Variants in GPC5 observed in about 807,000 individuals in gnomAD.
GPC5 encodes the protein glypican-5.
A neutral mutation model predicts 53.9 loss-of-function variants in GPC5; 47 were observed. The ratio of observed to expected loss-of-function variants is 0.87; its 90% confidence interval spans 0.69 to 1.11. GPC5 has a LOEUF of 1.11. Ranked by LOEUF, GPC5 falls within the 50% of genes most tolerant of loss-of-function variation. GPC5 has a pLI of 0.00. For missense variants in GPC5, 748 were observed against 713.1 expected, an observed-to-expected ratio of 1.05 and a Z score of -0.56; for synonymous variants, 286 against 263.3, an observed-to-expected ratio of 1.09 and a Z score of -0.84.
chr13:92,243,035 C>G (rs2042625065), intron 7 of GPC5, among the ~76,000 whole-genome samples: 1 of 152,176 alleles, frequency 6.6e-6, no homozygotes, highest in African/African-American at 2.4e-5. Context: ...TTTTCTCTCA[C>G]ATTGTTTGTA....
chr13:92,752,057 G>T (rs1953616537), intron 7 of GPC5, among the ~76,000 whole-genome samples: 1 of 150,690 alleles, frequency 6.6e-6, no homozygotes, highest in South Asian at 2.1e-4. Flanking sequence ...AAAGAGGAAT[G>T]AGAACCTTGA....
intron 2 of GPC5, among the ~76,000 whole-genome samples, chr13:91,580,217 T>C (rs1001153186): frequency 3.3e-5 from 5 of 151,932 alleles, no homozygotes; most frequent in African/African-American, 1.2e-4. Flanking sequence ...TGCCTGGCTA[T>C]TTCTTTGTAT....
At chr13:92,448,221 G>C (rs1229370235) in intron 7 of GPC5, 1 of 151,960 alleles carries the variant, frequency 6.6e-6, no homozygotes, top group African/African-American at 2.4e-5. Context: ...TTCTATAACA[G>C]TTTTACTTTT....
chr13:91,630,925 C>T (rs2034142399), intron 2 of GPC5, among the ~76,000 whole-genome samples: 1 of 151,970 alleles, frequency 6.6e-6, no homozygotes, highest in Non-Finnish European at 1.5e-5. Context: ...CAGCTTTATT[C>T]TCTTAATCCA....
At chr13:92,589,202 A>G (rs1883639332) in intron 7 of GPC5, among the ~76,000 whole-genome samples, 1 of 152,218 alleles carries the variant, frequency 6.6e-6, no homozygotes, top group African/African-American at 2.4e-5. Context: ...CTTGAGTAAC[A>G]CTAGAAAGAT....
At chr13:92,239,339 AT>A (rs1213013993) in intron 7 of GPC5, among the ~76,000 whole-genome samples, 1 of 151,930 alleles carries the variant, frequency 6.6e-6, no homozygotes, top group Non-Finnish European at 1.5e-5. Context: ...TTTTACATTT[AT>A]TTAGGTCTTT....
At chr13:92,625,071 A>T (rs904516210) in intron 7 of GPC5, among the ~76,000 whole-genome samples, 1 of 152,176 alleles carries the variant, frequency 6.6e-6, no homozygotes, top group Non-Finnish European at 1.5e-5. Context: ...TAACCTTCTG[A>T]TAGGAAGCTT....
intron 2 of GPC5, among the ~76,000 whole-genome samples, chr13:91,594,607 T>G (rs1396737397): frequency 8.3e-6 from 1 of 119,798 alleles, no homozygotes; most frequent in Admixed American, 1.0e-4. Context: ...CAAACACTAT[T>G]GTTGTTTCTT....
chr13:91,551,054 C>T (rs2030608757), intron 2 of GPC5, among the ~76,000 whole-genome samples: 2 of 152,022 alleles, frequency 1.3e-5, no homozygotes, highest in Admixed American at 1.3e-4. Flanking sequence ...TTTTCTCATT[C>T]ACAAAATGGA....
intron 6 of GPC5, among the ~76,000 whole-genome samples, chr13:92,066,297 T>C (rs1301778068): frequency 1.3e-5 from 2 of 151,964 alleles, no homozygotes; most frequent in Non-Finnish European, 2.9e-5. Flanking sequence ...ATTCAGTAAA[T>C]CTTTACTAAA....
intron 7 of GPC5, among the ~76,000 whole-genome samples, chr13:92,697,523 G>GGA (rs1887593875): frequency 1.3e-5 from 2 of 152,148 alleles, no homozygotes; most frequent in South Asian, 4.2e-4. Context: ...AGGAATGCTT[G>GGA]TGATTTTTGC....
intron 7 of GPC5, among the ~76,000 whole-genome samples, chr13:92,443,210 T>C (rs1385205190): frequency 1.3e-5 from 2 of 152,120 alleles, no homozygotes; most frequent in African/African-American, 4.8e-5. Flanking sequence ...AGCTCTCACA[T>C]GAACTCATAG....
intron 7 of GPC5, among the ~76,000 whole-genome samples, chr13:92,163,552 C>T (rs1004838576): frequency 2.0e-5 from 3 of 151,298 alleles, no homozygotes; most frequent in Non-Finnish European, 4.4e-5. Flanking sequence ...ATTCTATTTC[C>T]CCAACATGCA....
intron 7 of GPC5, among the ~76,000 whole-genome samples, chr13:92,810,751 C>T (rs1877266163): frequency 6.6e-6 from 1 of 151,986 alleles, no homozygotes; most frequent in Admixed American, 6.6e-5. Context: ...GACGGAGTCT[C>T]ACCTTGTTGC....
At chr13:92,387,681 CTT>C (rs1410621013) in intron 7 of GPC5, among the ~76,000 whole-genome samples, 1 of 152,080 alleles carries the variant, frequency 6.6e-6, no homozygotes, top group African/African-American at 2.4e-5. Flanking sequence ...AAAAGTGATT[CTT>C]AATTAAGCAA....
chr13:92,475,587 T>C (rs1261793979), intron 7 of GPC5, among the ~76,000 whole-genome samples: 2 of 152,088 alleles, frequency 1.3e-5, no homozygotes, highest in Admixed American at 1.3e-4. Context: ...GCTTATCAGC[T>C]TAAAGGAGAT....
rs550487141 is a variant in GPC5, at chr13:92,367,120, A to G, written c.1561+222131A>G. ...GCACTAGTAAGGCACACCAAGAAACAACTAAATTCAAAATGGAAAATGGGA... is the reference window on the plus strand; with the variant it reads ...GCACTAGTAAGGCACACCAAGAAACGACTAAATTCAAAATGGAAAATGGGA... On this transcript the variant is annotated intron_variant, in intron 7 of 7. Coordinates refer to ENST00000377067, the MANE Select transcript of GPC5 (RefSeq NM_004466.6). Among the ~76,000 whole-genome samples the G allele has an allele frequency of 9.8e-5, 15 of 152,304 alleles. No homozygotes were observed. In the East Asian group the frequency reaches 2.9e-3, roughly 29 times the overall value.
At chr13:92,054,319 C>T (rs2138843189) in intron 6 of GPC5, among the ~76,000 whole-genome samples, 1 of 152,098 alleles carries the variant, frequency 6.6e-6, no homozygotes, top group Non-Finnish European at 1.5e-5. Flanking sequence ...CATAGCCTGA[C>T]AAAAGACAAG....
chr13:92,470,828 G>A (rs529744479), intron 7 of GPC5, among the ~76,000 whole-genome samples: 2 of 152,174 alleles, frequency 1.3e-5, no homozygotes, highest in Non-Finnish European at 2.9e-5. Flanking sequence ...GGCTTTAGGG[G>A]ACTTTGCTTG....
Sources: allele counts gnomAD v4.1 joint callset (sites outside exome capture counted in the v4.1 genomes callset), GRCh38; gene constraint gnomAD v4.1.1; transcripts MANE v1.5; gene names NCBI Gene and HGNC (gene_info 2026-07-23, HGNC 2026-07-21).